Variants in AUTS2 observed in about 807,000 individuals in gnomAD.
AUTS2 encodes the protein autism susceptibility gene 2 protein.
In AUTS2, 17 loss-of-function variants were observed where a neutral mutation model predicts 112.4. That is an observed-to-expected ratio of 0.15 (90% CI 0.10 to 0.23). The LOEUF (loss-of-function observed/expected upper bound fraction) is 0.23. Ranked by LOEUF, AUTS2 falls within the 10% of genes least tolerant of loss-of-function variation. AUTS2 has a pLI of 1.00. For missense variants in AUTS2, 1,510 were observed against 1,701.6 expected (o/e 0.89, Z 1.98); for synonymous variants, 751 against 702.7 (o/e 1.07, Z -1.09).
At chr7:69,644,077 G>C (rs1255613551) in intron 1 of AUTS2, among the ~76,000 whole-genome samples, 1 of 152,176 alleles carries the variant, frequency 6.6e-6, no homozygotes, top group Non-Finnish European at 1.5e-5. Flanking sequence ...TGGATTTCCA[G>C]CCTCCAGAAC....
chr7:70,023,000 C>T (rs919497829), intron 2 of AUTS2, among the ~76,000 whole-genome samples: 5 of 152,042 alleles, frequency 3.3e-5, no homozygotes, highest in South Asian at 2.1e-4. Context: ...TACAGGCACA[C>T]GCCACCATAC....
At position 70,015,837 on chromosome 7, in the gene AUTS2, AGTT is replaced by A. The variant is rs376646110; in HGVS notation, c.523-102273_523-102271del. ...TTTTTTTAGCATCCAGTGGCCACCTAGTTGTTGTTGTTGTTGTTGTTGTTTTTT... is the reference window on the plus strand; with the variant it reads ...TTTTTTTAGCATCCAGTGGCCACCTAGTTGTTGTTGTTGTTGTTGTTTTTT... On this transcript the variant is annotated intron_variant, in intron 2 of 18. Transcript: ENST00000342771. Among the ~76,000 whole-genome samples, 401 of 145,560 alleles carry A rather than the reference AGTT, an allele frequency of 2.8e-3. 1 individual carries two copies. The highest frequency in any genetic ancestry group is 8.5e-3 in the African/African-American group (333 of 39,142).
intron 1 of AUTS2, among the ~76,000 whole-genome samples, chr7:69,851,570 C>T (rs1792486245): frequency 6.6e-6 from 1 of 152,186 alleles, no homozygotes; most frequent in South Asian, 2.1e-4. Flanking sequence ...ATCTGCATAT[C>T]AATTTTGGGA....
chr7:70,690,263 G>A (rs1001423388), intron 5 of AUTS2, among the ~76,000 whole-genome samples: 3 of 152,210 alleles, frequency 2.0e-5, no homozygotes, highest in African/African-American at 7.2e-5. Flanking sequence ...TTCAGAGCTT[G>A]CAGAACCTTT....
chr7:70,030,134 G>A (rs763646403), intron 2 of AUTS2, among the ~76,000 whole-genome samples: 10 of 152,208 alleles, frequency 6.6e-5, no homozygotes, highest in Non-Finnish European at 1.5e-4. Context: ...AGACTACCAT[G>A]ATTGGCCCAA....
chr7:70,067,219 A>G (rs73160136), intron 2 of AUTS2, among the ~76,000 whole-genome samples: 3,600 of 152,318 alleles, frequency 0.024, 90 homozygotes, highest in South Asian at 0.063. Flanking sequence ...TGAGGCATTT[A>G]ACTTCTCTTA....
intron 1 of AUTS2, among the ~76,000 whole-genome samples, chr7:69,627,110 A>T (rs2129098590): frequency 6.6e-6 from 1 of 152,288 alleles, no homozygotes; most frequent in Middle Eastern, 3.4e-3. Context: ...CACCAACATT[A>T]TGTTTAGAAG....
At chr7:70,087,041 T>C (rs1249907573) in intron 2 of AUTS2, among the ~76,000 whole-genome samples, 1 of 152,008 alleles carries the variant, frequency 6.6e-6, no homozygotes, top group Non-Finnish European at 1.5e-5. Flanking sequence ...TGCGTTTTCA[T>C]TTTAACTCAT....
intron 5 of AUTS2, among the ~76,000 whole-genome samples, chr7:70,517,510 G>A (rs933910678): frequency 7.1e-6 from 1 of 141,792 alleles, no homozygotes; most frequent in Non-Finnish European, 1.5e-5. Flanking sequence ...GGGGCAAATT[G>A]TATATACACA....
rs908653321 is a variant in AUTS2 at position 70,631,577 on chromosome 7, T to C, written c.691-66992T>C. On this transcript the variant is annotated intron_variant, in intron 5 of 18. Transcript: ENST00000342771. The surrounding 1 kb of genome is among the most constrained non-coding windows in gnomAD (Gnocchi z 4.5). ...GGTGGCCCCGAGGCCACAGGTTCTG[T>C]CCCAGATGTTCTCAGCACCATTTTA... Among the ~76,000 whole-genome samples, 8 of 152,114 alleles carry C rather than the reference T, an allele frequency of 5.3e-5. No homozygotes were observed. The highest frequency in any genetic ancestry group is 1.2e-4 in the Non-Finnish European group (8 of 68,024).
intron 5 of AUTS2, among the ~76,000 whole-genome samples, chr7:70,453,695 A>G (rs890912044): frequency 4.6e-5 from 7 of 152,108 alleles, no homozygotes; most frequent in African/African-American, 1.7e-4. Flanking sequence ...TGGCAGCATC[A>G]TTCTCATCTC....
At chr7:70,565,572 C>T (rs1801674618) in intron 5 of AUTS2, among the ~76,000 whole-genome samples, 1 of 152,052 alleles carries the variant, frequency 6.6e-6, no homozygotes, top group Admixed American at 6.6e-5. Flanking sequence ...CCCAGCTGCT[C>T]AGGAAGCTAA....
At chr7:70,232,182 G>C (rs1812091061) in intron 4 of AUTS2, among the ~76,000 whole-genome samples, 1 of 152,080 alleles carries the variant, frequency 6.6e-6, no homozygotes. Context: ...ATTTATCCAT[G>C]TTTTAGGTGT....
chr7:70,157,870 T>C (rs1356408323), intron 4 of AUTS2, among the ~76,000 whole-genome samples: 1 of 152,194 alleles, frequency 6.6e-6, no homozygotes, highest in African/African-American at 2.4e-5. Context: ...CCTTAATAAG[T>C]TCATGGCCTT....
chr7:69,695,431 G>T (rs1797516234), intron 1 of AUTS2, among the ~76,000 whole-genome samples: 1 of 152,048 alleles, frequency 6.6e-6, no homozygotes, highest in Admixed American at 6.5e-5. Context: ...ACTATATTGT[G>T]TTATTCAGCT....
chr7:70,664,151 A>G (rs535083837), intron 5 of AUTS2, among the ~76,000 whole-genome samples: 12 of 152,338 alleles, frequency 7.9e-5, no homozygotes, highest in South Asian at 6.2e-4. Flanking sequence ...TCTCTTTAAT[A>G]TACAAGAAGA....
chr7:70,066,394 G>A (rs1210949304), intron 2 of AUTS2, among the ~76,000 whole-genome samples: 2 of 151,940 alleles, frequency 1.3e-5, no homozygotes, highest in Non-Finnish European at 2.9e-5. Flanking sequence ...TTTTCCAAGG[G>A]AAGACAAATA....
intron 5 of AUTS2, among the ~76,000 whole-genome samples, chr7:70,593,867 T>C (rs1019509167): frequency 6.6e-6 from 1 of 152,106 alleles, no homozygotes; most frequent in African/African-American, 2.4e-5. Flanking sequence ...AATGATTCTA[T>C]AGAGAGGCAG....
At chr7:70,684,654 G>A (rs528338487) in intron 5 of AUTS2, among the ~76,000 whole-genome samples, 3 of 151,748 alleles carry the variant, frequency 2.0e-5, no homozygotes, top group East Asian at 3.9e-4. Flanking sequence ...GTGGTGTGGC[G>A]TGGCGTGTGG....
Sources: gnomAD v4.1 joint callset for allele counts (sites outside exome capture counted in the v4.1 genomes callset) on GRCh38, gnomAD v4.1.1 for gene constraint, Gnocchi (gnomAD v3.1) non-coding constraint, MANE v1.5 for transcripts, NCBI Gene and HGNC (gene_info 2026-07-23, HGNC 2026-07-21) for gene names.